COA1: variants seen among roughly 807,000 people sequenced by gnomAD.
COA1 encodes cytochrome c oxidase assembly factor 1, also known as cytochrome c oxidase assembly factor 1 homolog.
Under a neutral mutation model 16.0 loss-of-function variants are expected in COA1, and 13 were observed. The ratio of observed to expected loss-of-function variants is 0.81; its 90% CI spans 0.53 to 1.29. The LOEUF (loss-of-function observed/expected upper bound fraction) is 1.29. Ranked by LOEUF, COA1 falls within the 50% of genes most tolerant of loss-of-function variation. The probability of loss-of-function intolerance (pLI) is 0.00; values close to 1 mark genes in which losing one functional copy is unlikely to be tolerated. For synonymous variants in COA1, 65 were observed against 65.7 expected, an observed-to-expected ratio of 0.99 and a Z score of 0.05; for missense variants, 179 against 177.0, an observed-to-expected ratio of 1.01 and a Z score of -0.06.
chr7:43,683,402 G>A (rs2093861686), intron 1 of COA1, among the ~76,000 whole-genome samples: 1 of 152,236 alleles, frequency 6.6e-6, no homozygotes, highest in Admixed American at 6.5e-5. Context: ...GGTGGCCGAG[G>A]CAGGTGGATC....
intron 1 of COA1, among the ~76,000 whole-genome samples, chr7:43,705,868 C>A (rs761484082): frequency 1.4e-4 from 22 of 152,174 alleles, no homozygotes; most frequent in African/African-American, 5.1e-4. Context: ...TCCCTAGGAG[C>A]GACTCAGGGC....
chr7:43,718,961 C>G (rs2095449141), intron 1 of COA1, among the ~76,000 whole-genome samples: 1 of 132,326 alleles, frequency 7.6e-6, no homozygotes, highest in Non-Finnish European at 1.5e-5. Context: ...ATTCAATCTA[C>G]CAGGAATCTA....
At position 43,640,599 on chromosome 7, in the gene COA1, G is replaced by A. The variant is rs1213839558; in HGVS notation, c.315C>T (p.His105=). 3.7e-6 allele frequency: 6 copies of A among 1,609,078 alleles called. No individual in the cohort carries two copies. Among genetic ancestry groups the A allele is most frequent in the Non-Finnish European group, 5.1e-6 (6 of 1,177,996 alleles). ...GSKSEGLLYV[H]SSRGGPFQRW... ...TCTGAAAGGGGCCACCTCTGGATGAGTGGACGTAGAGAAGGCCCTCTGATT... is the reference window on the plus strand; with the variant it reads ...TCTGAAAGGGGCCACCTCTGGATGAATGGACGTAGAGAAGGCCCTCTGATT... The change falls in exon 5 of 6, where the codon CAC becomes CAT. Residue 105 remains histidine (H), a synonymous_variant. Coordinates refer to ENST00000223336, the MANE Select transcript of COA1 (RefSeq NM_018224.4).
chr7:43,632,995 A>G (rs2085326346), intron 6 of COA1: 1 of 152,240 alleles, frequency 6.6e-6, no homozygotes, highest in African/African-American at 2.4e-5. Context: ...GATTTTCAGA[A>G]TAGTCAATGA....
intron 1 of COA1, among the ~76,000 whole-genome samples, chr7:43,692,578 G>T (rs1366964175): frequency 1.1e-4 from 17 of 152,008 alleles, no homozygotes; most frequent in Admixed American, 1.1e-3. Context: ...AAAGGACAGT[G>T]GACAGAAAGG....
chr7:43,619,465 C>CT, intron 6 of COA1: 1 of 1,178,504 alleles, frequency 8.5e-7, no homozygotes, highest in Non-Finnish European at 1.2e-6. Flanking sequence ...AAAAATATTT[C>CT]TTTAACAAAT....
At chr7:43,682,672 A>G (rs909985495) in intron 1 of COA1, among the ~76,000 whole-genome samples, 1 of 152,210 alleles carries the variant, frequency 6.6e-6, no homozygotes, top group African/African-American at 2.4e-5. Context: ...GATTTTTTTT[A>G]AAGTTCTACT....
intron 1 of COA1, among the ~76,000 whole-genome samples, chr7:43,708,141 T>C (rs1288438106): frequency 1.3e-5 from 2 of 151,974 alleles, no homozygotes; most frequent in African/African-American, 4.8e-5. Context: ...GAGGCGGAGG[T>C]TGCGGTGAGC....
At chr7:43,706,815 A>G (rs2094999011) in intron 1 of COA1, among the ~76,000 whole-genome samples, 1 of 151,876 alleles carries the variant, frequency 6.6e-6, no homozygotes, top group African/African-American at 2.4e-5. Flanking sequence ...GGCTGCAGTG[A>G]GCTGTGATAG....
chr7:43,625,160 A>G (rs995111581), intron 6 of COA1: 1 of 209,078 alleles, frequency 4.8e-6, no homozygotes, highest in Non-Finnish European at 9.6e-6. Flanking sequence ...TCTTTAAAAA[A>G]TCCAAGTAAA....
intron 3 of COA1, chr7:43,646,027 A>C (rs10277716): frequency 0.15 from 22,497 of 153,324 alleles, 2,204 homozygotes; most frequent in Non-Finnish European, 0.21. Context: ...GAACTCCGGG[A>C]AGCACCTCCC....
intron 1 of COA1, among the ~76,000 whole-genome samples, chr7:43,684,142 A>C (rs897937652): frequency 1.1e-4 from 16 of 152,130 alleles, no homozygotes; most frequent in Admixed American, 4.6e-4. Flanking sequence ...TCCACAGAGG[A>C]GGCAGGGGGA....
Position 43,648,429 on chromosome 7 carries a change from T to C in COA1, c.15+171A>G, listed in dbSNP as rs575148779. ...CATGAGACACGAGAGAAAGACAGAGTGGGAAACAATGCAGAAAATGCCCAT... is the reference window on the plus strand; with the variant it reads ...CATGAGACACGAGAGAAAGACAGAGCGGGAAACAATGCAGAAAATGCCCAT... On this transcript the variant is annotated intron_variant, in intron 2 of 5. Transcript: ENST00000223336. 67 of 768,154 alleles carry C rather than the reference T, an allele frequency of 8.7e-5. No homozygotes were observed. The African/African-American group carries it at 1.0e-3, about 12-fold the overall frequency. 47.6% of individuals were successfully genotyped at this position (768,154 alleles called of 1,614,324 possible). A position where few individuals can be genotyped will look rare whatever the true frequency, so the allele number is the denominator to read the frequency against.
At chr7:43,618,030 T>G (rs1442447691) in intron 6 of COA1, among the ~76,000 whole-genome samples, 3 of 152,050 alleles carry the variant, frequency 2.0e-5, no homozygotes, top group African/African-American at 4.8e-5. Flanking sequence ...ATTTTGTGAT[T>G]TGTAGTGGAA....
At chr7:43,697,241 T>C (rs992854823) in intron 1 of COA1, among the ~76,000 whole-genome samples, 4 of 152,240 alleles carry the variant, frequency 2.6e-5, no homozygotes, top group Non-Finnish European at 5.9e-5. Flanking sequence ...CTCTAAATTC[T>C]TCTGTATGCT....
chr7:43,725,051 C>A (rs1429920130), intron 1 of COA1, among the ~76,000 whole-genome samples: 1 of 152,180 alleles, frequency 6.6e-6, no homozygotes, highest in Non-Finnish European at 1.5e-5. Flanking sequence ...CCAGCATGAC[C>A]AACATGGAGA....
intron 1 of COA1, among the ~76,000 whole-genome samples, chr7:43,680,460 A>G (rs1307908722): frequency 6.6e-6 from 1 of 152,224 alleles, no homozygotes; most frequent in Non-Finnish European, 1.5e-5. Flanking sequence ...TAAGAAGCCA[A>G]ATGAATGCAT....
intron 1 of COA1, among the ~76,000 whole-genome samples, chr7:43,663,685 A>AC (rs1187031202): frequency 6.0e-5 from 9 of 150,080 alleles, no homozygotes; most frequent in South Asian, 2.1e-4. Flanking sequence ...AAAAAAAAAA[A>AC]AAACACACAC....
chr7:43,641,458 A>C (rs2087076605), intron 4 of COA1: 1 of 152,248 alleles, frequency 6.6e-6, no homozygotes, highest in African/African-American at 2.4e-5. Flanking sequence ...AGCAAAATCC[A>C]ATTGTAGAAT....
Sources: allele counts gnomAD v4.1 joint callset (sites outside exome capture counted in the v4.1 genomes callset), GRCh38; gene constraint gnomAD v4.1.1; transcripts MANE v1.5; gene names NCBI Gene and HGNC (gene_info 2026-07-23, HGNC 2026-07-21).